Variants in LRRC45 observed in about 807,000 individuals in gnomAD.
LRRC45 encodes leucine-rich repeat-containing protein 45.
A neutral mutation model predicts 85.4 loss-of-function variants in LRRC45; 73 were observed. That is an observed-to-expected ratio of 0.85 (90% CI 0.71 to 1.04). The LOEUF is 1.04. LRRC45 is among the 50% of genes least tolerant of loss of function. The pLI is 0.00. For synonymous variants in LRRC45, 429 were observed against 386.0 expected (o/e 1.11, Z -1.31); for missense variants, 937 against 883.3 (o/e 1.06, Z -0.77).
Position 82,030,475 on chromosome 17 carries a change from G to T in LRRC45, c.1816+9G>T. On this transcript the variant is annotated intron_variant, in intron 16 of 16. Transcript: ENST00000306688. ...GGAGCGCCAGCTGAAAGGTGAGCCA[G>T]ACCCTTGTCCTCCCGCCGCCCACTG... The T allele has an allele frequency of 6.5e-7, 1 of 1,540,520 alleles. No homozygotes were observed.
At chr17:82,024,018 A>C in intron 1 of LRRC45, 155 bp downstream of exon 1, 1 of 744,894 alleles carries the variant, frequency 1.3e-6, no homozygotes, top group Non-Finnish European at 2.1e-6. Context: ...AGTAGAGGGC[A>C]GTTCCTCTGT....
Position 82,030,255 on chromosome 17 carries a change from TG to T in LRRC45, c.1668+23del. Reference sequence around the variant, plus strand: ...CTGCAGCAGGTAGGCGGGGCTCCGGTGGGGGGCCCCGGGCGTGCTAGCCCCC... The same window carrying T: ...CTGCAGCAGGTAGGCGGGGCTCCGGTGGGGGCCCCGGGCGTGCTAGCCCCC... On this transcript the variant is annotated intron_variant, in intron 15 of 16. Transcript: ENST00000306688. 1 of 1,533,628 alleles carries T rather than the reference TG, an allele frequency of 6.5e-7. No individual in the cohort carries two copies. Among genetic ancestry groups the T allele is most frequent in the Non-Finnish European group, 8.8e-7 (1 of 1,135,978 alleles).
intron 14 of LRRC45, 22 bp from the exon 15 acceptor site, chr17:82,030,043 G>A (rs1389731344): frequency 8.5e-6 from 13 of 1,534,550 alleles, no homozygotes; most frequent in Non-Finnish European, 1.0e-5. Context: ...CTCATGCTTC[G>A]TGGCGGCCCC....
intron 6 of LRRC45, 96 bp downstream of exon 6, chr17:82,027,107 C>G (rs2043374680): frequency 8.9e-7 from 1 of 1,126,230 alleles, no homozygotes; most frequent in Non-Finnish European, 1.3e-6. Flanking sequence ...CCCATCTTCC[C>G]TTCCTCGGGG....
In LRRC45 at chr17:82,026,575, TG is replaced by T. The variant is rs1192949469; in HGVS notation, c.662-323del. On this transcript the variant is annotated intron_variant, in intron 5 of 16. Transcript: ENST00000306688. ...GTGACACAGCTCCTTTGTGTGTGTG[TG>T]TGTGTGTGTGTGTGTGTGTGTGTGA... Among the ~76,000 whole-genome samples the T allele has an allele frequency of 3.9e-3, 582 of 150,616 alleles. 7 individuals carry two copies. Among genetic ancestry groups the T allele is most frequent in the African/African-American group, 0.014 (559 of 40,744 alleles).
rs2043361554 is a variant in LRRC45 at position 82,025,565 on chromosome 17, G to A, written c.661+58G>A. On this transcript the variant is annotated intron_variant, in intron 5 of 16. Transcript: ENST00000306688. ...AGCCTTTGACAGAGGCCTGTCCACC[G>A]AGGGCGGGGTGCCGGGCTCAGGACG... is the stretch of plus-strand genomic sequence containing the variant. 22 of 1,465,226 alleles carry A rather than the reference G, an allele frequency of 1.5e-5. No individual in the cohort carries two copies. In the East Asian group the frequency reaches 2.0e-4, roughly 13 times the overall value. The allele number at this position is 1,465,226 out of a possible 1,614,324, so 90.8% of individuals were successfully genotyped here.
intron 3 of LRRC45, 33 bp downstream of exon 3, chr17:82,024,796 C>T: frequency 6.4e-7 from 1 of 1,560,016 alleles, no homozygotes; most frequent in East Asian, 2.3e-5. Flanking sequence ...GGCCCTGTCT[C>T]TGTGTGGTTG....
intron 3 of LRRC45, 35 bp from the exon 4 acceptor site, chr17:82,024,965 C>T: frequency 6.6e-7 from 1 of 1,518,152 alleles, no homozygotes; most frequent in Non-Finnish European, 8.9e-7. Context: ...CTAGGCAGTC[C>T]CCTAGGTGAA....
chr17:82,027,085 C>T, intron 6 of LRRC45, 74 bp downstream of exon 6: 2 of 1,293,868 alleles, frequency 1.5e-6, no homozygotes, highest in Non-Finnish European at 1.1e-6. Flanking sequence ...CCTCCCTCAG[C>T]CCCGTGGTCT....
intron 8 of LRRC45, 117 bp from the exon 9 acceptor site, chr17:82,027,894 A>G (rs2043382431): frequency 6.6e-7 from 1 of 1,509,808 alleles, no homozygotes; most frequent in South Asian, 1.2e-5. Flanking sequence ...GCCTTCCTGG[A>G]GGAGGCGGGT....
At chr17:82,028,562 G>A (rs372783335) in intron 11 of LRRC45, 51 bp from the exon 12 acceptor site, 230 of 1,610,784 alleles carry the variant, frequency 1.4e-4, no homozygotes, top group Non-Finnish European at 1.8e-4. Flanking sequence ...ACCGGGGGAC[G>A]GGGGCCCCCA....
rs201324260 is a variant in LRRC45 at position 82,027,961 on chromosome 17, G to A, written c.912-50G>A. 1,232 of 1,558,826 alleles carry A rather than the reference G, an allele frequency of 7.9e-4. 1 individual carries two copies. The highest frequency in any genetic ancestry group is 9.9e-4 in the Non-Finnish European group (1,147 of 1,157,176). ...AGTGAAAGCAGCGAGGCCTTTATAA[G>A]GCAAGTGAAACTCCAACCGGGGCGG... On this transcript the variant is annotated intron_variant, in intron 8 of 16. Coordinates refer to ENST00000306688, the MANE Select transcript of LRRC45 (RefSeq NM_144999.4).
At chr17:82,027,313 TC>T in intron 6 of LRRC45, 72 bp from the exon 7 acceptor site, 2 of 1,569,308 alleles carry the variant, frequency 1.3e-6, no homozygotes, top group Non-Finnish European at 1.8e-6. Flanking sequence ...GCGCTGGCTC[TC>T]CTTCCCCCTG....
rs1434527584 is a variant in LRRC45 at position 82,024,808 on chromosome 17, G to A, written c.353+45G>A. On this transcript the variant is annotated intron_variant, in intron 3 of 16. Coordinates refer to ENST00000306688, the MANE Select transcript of LRRC45 (RefSeq NM_144999.4). Reference sequence around the variant, plus strand: ...CCAGGCCCTGTCTCTGTGTGGTTGAGGATTGGCCCCGAGCACATGCTTCTG... The same window carrying A: ...CCAGGCCCTGTCTCTGTGTGGTTGAAGATTGGCCCCGAGCACATGCTTCTG... 5 of 1,548,890 alleles carry A rather than the reference G, an allele frequency of 3.2e-6. No homozygotes were observed. The African/African-American group carries it at 5.6e-5, about 17-fold the overall frequency.
chr17:82,026,831 C>G (rs1295779833), intron 5 of LRRC45, 68 bp from the exon 6 acceptor site: 2 of 1,322,780 alleles, frequency 1.5e-6, no homozygotes, highest in Admixed American at 2.0e-5. Context: ...CCACCCACCT[C>G]GACCTCCCAA....
rs762275512 is a variant in LRRC45 at position 82,028,674 on chromosome 17, C to T, written c.1299C>T (p.Arg433=). Residue 433 remains arginine, a synonymous_variant, in exon 12 of 17, where the codon CGC becomes CGT. Coordinates refer to ENST00000306688, the MANE Select transcript of LRRC45 (RefSeq NM_144999.4). ...GCCTGGAGGACTCCGAAAGCCTGCG[C>T]ATCAAGGAGGTGCCCTCTTCGTTGG... ...RQSLEDSESL[R]IKEVEHMTRH... is the part of the protein sequence containing the mutation. The T allele has an allele frequency of 1.2e-6, 2 of 1,612,390 alleles. No individual in the cohort carries two copies. The highest frequency in any genetic ancestry group is 2.2e-5 in the East Asian group (1 of 44,876).
intron 13 of LRRC45, 150 bp from the exon 14 acceptor site, chr17:82,029,393 C>A: frequency 1.0e-6 from 1 of 981,116 alleles, no homozygotes; most frequent in Non-Finnish European, 1.5e-6. Context: ...AGGAACCTTG[C>A]CCAGCGAGCT....
At chr17:82,026,602 C>CTGTGTGTGTGTG (rs1555644859) in intron 5 of LRRC45, among the ~76,000 whole-genome samples, 5 of 55,958 alleles carry the variant, frequency 8.9e-5, no homozygotes, top group South Asian at 5.0e-4. Context: ...GTGTGTGTGA[C>CTGTGTGTGTGTG]TGAGTTTCAC....
intron 2 of LRRC45, 33 bp from the exon 3 acceptor site, chr17:82,024,660 A>T: frequency 6.4e-7 from 1 of 1,560,198 alleles, no homozygotes; most frequent in Non-Finnish European, 8.6e-7. Context: ...CAGTCAGGGC[A>T]CGCGAGTGAC....
Sources: gnomAD v4.1 joint callset for allele counts (sites outside exome capture counted in the v4.1 genomes callset) on GRCh38, gnomAD v4.1.1 for gene constraint, MANE v1.5 for transcripts, NCBI Gene and HGNC (gene_info 2026-07-23, HGNC 2026-07-21) for gene names.